The following PNPLA8 variants were observed in gnomAD, a reference collection of about 807,000 sequenced individuals.
The protein encoded by PNPLA8 is patatin like domain 8, phospholipase A2, also known as calcium-independent phospholipase A2-gamma.
PNPLA8 carries 39 observed loss-of-function variants against 76.9 expected under a neutral mutation model. The ratio of observed to expected loss-of-function variants is 0.51; its 90% CI spans 0.39 to 0.66. The LOEUF (loss-of-function observed/expected upper bound fraction) is 0.66. Ranked by LOEUF, PNPLA8 falls within the 30% of genes least tolerant of loss-of-function variation. The pLI, the probability that PNPLA8 is intolerant of heterozygous loss-of-function variation, is 0.00. For missense variants in PNPLA8, 887 were observed against 918.0 expected (o/e 0.97, Z 0.44); for synonymous variants, 301 against 307.9 (o/e 0.98, Z 0.24).
intron 10 of PNPLA8, among the ~76,000 whole-genome samples, chr7:108,474,417 G>A (rs1487325376): frequency 6.6e-6 from 1 of 152,102 alleles, no homozygotes; most frequent in East Asian, 1.9e-4. Flanking sequence ...GAAATGAAGG[G>A]CATGTAGATT....
chr7:108,478,230 T>C (rs192253627), intron 10 of PNPLA8, among the ~76,000 whole-genome samples: 39 of 152,024 alleles, frequency 2.6e-4, no homozygotes, highest in African/African-American at 7.2e-4. Flanking sequence ...TCTGGGGAAA[T>C]AGCCTTATAG....
intron 1 of PNPLA8, among the ~76,000 whole-genome samples, chr7:108,524,269 A>G (rs560931372): frequency 6.6e-6 from 1 of 152,324 alleles, no homozygotes; most frequent in African/African-American, 2.4e-5. Flanking sequence ...ATTTTCCATA[A>G]TATTTCAGGA....
rs1323198761 is a variant in PNPLA8 at position 108,472,692 on chromosome 7, G to T, written c.2075-17C>A. On this transcript the variant is annotated splice_polypyrimidine_tract_variant and intron_variant, in intron 10 of 10. Coordinates refer to ENST00000257694, the MANE Select transcript of PNPLA8 (RefSeq NM_001256007.3). ...TATGGACTTCTGTTAAAGCAAAAAA[G>T]AAAAGGATAAGGGGATAAGAAAAGA... The T allele has an allele frequency of 6.5e-7, 1 of 1,547,992 alleles. No individual in the cohort carries two copies. The highest frequency in any genetic ancestry group is 8.7e-7 in the Non-Finnish European group (1 of 1,152,284).
chr7:108,509,793 A>G (rs40861), intron 4 of PNPLA8, among the ~76,000 whole-genome samples: 37,366 of 142,426 alleles, frequency 0.26, 4,523 homozygotes, highest in African/African-American at 0.3. Context: ...TCCAACAATG[A>G]TAGACTGGAT....
Position 108,490,783 on chromosome 7 carries a change from C to CAAAA in PNPLA8, c.1683+623_1683+626dup, listed in dbSNP as rs775029071. Among the ~76,000 whole-genome samples, 5 of 86,984 alleles carry CAAAA rather than the reference C, an allele frequency of 5.7e-5. No individual in the cohort carries two copies. The East Asian group carries it at 1.4e-3, about 24-fold the overall frequency. The allele number at this position is 86,984 out of a possible 152,430, so 57.1% of individuals were successfully genotyped here. A position where few individuals can be genotyped will look rare whatever the true frequency, so the allele number is the denominator to read the frequency against. On this transcript the variant is annotated intron_variant, in intron 8 of 10. Coordinates refer to ENST00000257694, the MANE Select transcript of PNPLA8 (RefSeq NM_001256007.3). ...TGGGCGACAGAGCAAGACTCCGTCTCAAAAAAAAAAAAAAACTAGGGTAAA... is the reference window on the plus strand; with the variant it reads ...TGGGCGACAGAGCAAGACTCCGTCTCAAAAAAAAAAAAAAAAAAACTAGGGTAAA...
chr7:108,523,859 TAAGGGAAAA>T, intron 1 of PNPLA8, among the ~76,000 whole-genome samples: 1 of 151,504 alleles, frequency 6.6e-6, no homozygotes, highest in Non-Finnish European at 1.5e-5. Flanking sequence ...ACTTTGAAAG[TAAGGGAAAA>T]AAGAGAAAAC....
At chr7:108,479,557 T>G (rs1185277084) in intron 9 of PNPLA8, 178 bp from the exon 10 acceptor site, 1 of 630,680 alleles carries the variant, frequency 1.6e-6, no homozygotes, top group Non-Finnish European at 2.9e-6. Context: ...TAAAGAAACT[T>G]TTTATTAAGT....
upstream of PNPLA8, among the ~76,000 whole-genome samples, chr7:108,527,338 T>C (rs75934576): frequency 8.7e-3 from 1,329 of 152,264 alleles, 16 homozygotes; most frequent in African/African-American, 0.028. Flanking sequence ...GTGTCTGGAT[T>C]ATGTACATCA....
rs746217131 is a variant in PNPLA8 at position 108,479,426 on chromosome 7, G to A, written c.1879-47C>T. The A allele has an allele frequency of 4.3e-5, 57 of 1,322,410 alleles. No individual in the cohort carries two copies. The East Asian group carries it at 1.3e-3, about 29-fold the overall frequency. 81.9% of individuals were successfully genotyped at this position (1,322,410 alleles called of 1,614,324 possible). A position where few individuals can be genotyped will look rare whatever the true frequency, so the allele number is the denominator to read the frequency against. ...AAGAAACTTTTAAAACTGACTCACG[G>A]GGAAAGCTGAACTATGTAATAAGCT... On this transcript the variant is annotated intron_variant, in intron 9 of 10. Coordinates refer to ENST00000257694, the MANE Select transcript of PNPLA8 (RefSeq NM_001256007.3).
rs1862872111 is a variant in PNPLA8 at position 108,510,912 on chromosome 7, T to C, written c.1206+3232A>G. ...ATGAAGAAAAAGACCACCCATTTTG[T>C]AGAAGGTGGAGATGCTGGCAACAGG... On this transcript the variant is annotated intron_variant, in intron 4 of 10. Transcript: ENST00000257694. The C allele has an allele frequency of 3.8e-6, 6 of 1,586,326 alleles. No individual in the cohort carries two copies. In the Admixed American group the frequency reaches 5.0e-5, roughly 13 times the overall value.
chr7:108,511,181 C>T (rs1053619191), intron 4 of PNPLA8, among the ~76,000 whole-genome samples: 1 of 151,874 alleles, frequency 6.6e-6, no homozygotes, highest in Non-Finnish European at 1.5e-5. Flanking sequence ...CTCTTCTTTA[C>T]AGAAGAATGT....
chr7:108,482,781 T>C (rs1860488904), intron 9 of PNPLA8, among the ~76,000 whole-genome samples: 1 of 152,254 alleles, frequency 6.6e-6, no homozygotes, highest in Non-Finnish European at 1.5e-5. Context: ...TAAACTGTAC[T>C]GCTTTTGTTA....
At chr7:108,507,109 G>A (rs984778181) in intron 4 of PNPLA8, among the ~76,000 whole-genome samples, 7 of 151,978 alleles carry the variant, frequency 4.6e-5, no homozygotes, top group Non-Finnish European at 8.8e-5. Context: ...TTGGGCGGCC[G>A]AGGCAGGTGG....
At chr7:108,502,468 A>G in intron 5 of PNPLA8, 23 bp downstream of exon 5, 3 of 1,455,696 alleles carry the variant, frequency 2.1e-6, no homozygotes, top group Non-Finnish European at 2.7e-6. Context: ...AAAAAAAAAA[A>G]AGAATCATGT....
chr7:108,504,780 C>G (rs1862218721), intron 4 of PNPLA8, among the ~76,000 whole-genome samples: 1 of 152,104 alleles, frequency 6.6e-6, no homozygotes, highest in African/African-American at 2.4e-5. Context: ...ACCAGTGGAA[C>G]AAAATACTGT....
chr7:108,501,023 C>T (rs1286471857), intron 5 of PNPLA8, among the ~76,000 whole-genome samples: 1 of 152,070 alleles, frequency 6.6e-6, no homozygotes, highest in Admixed American at 6.6e-5. Flanking sequence ...ATATTGATGT[C>T]AAAGTATAAA....
At position 108,472,673 on chromosome 7, in the gene PNPLA8, C is replaced by A; in HGVS notation, c.2077G>T (p.Val693Phe). ...VINSATDTEEVHIMLDGLLPP... is the reference protein window; with the variant it reads ...VINSATDTEEFHIMLDGLLPP... Reference sequence around the variant, plus strand: ...AACAGGCCATCAAGCATTATATGGACTTCTGTTAAAGCAAAAAAGAAAAGG... The same window carrying A: ...AACAGGCCATCAAGCATTATATGGAATTCTGTTAAAGCAAAAAAGAAAAGG... The change falls in exon 11 of 11, where the codon GTC (valine) becomes TTC (phenylalanine). Residue 693 changes from valine to phenylalanine, a missense_variant and splice_region_variant. Transcript: ENST00000257694. The A allele has an allele frequency of 6.4e-7, 1 of 1,564,894 alleles. No individual in the cohort carries two copies.
chr7:108,519,713 GC>G (rs1180625814), intron 2 of PNPLA8, among the ~76,000 whole-genome samples: 1 of 151,956 alleles, frequency 6.6e-6, no homozygotes, highest in East Asian at 1.9e-4. Flanking sequence ...TTGAATTAAA[GC>G]CCCATCAGAG....
chr7:108,517,553 T>C (rs886319581), intron 2 of PNPLA8, among the ~76,000 whole-genome samples: 3 of 152,210 alleles, frequency 2.0e-5, no homozygotes, highest in Non-Finnish European at 4.4e-5. Flanking sequence ...ATATACGGTA[T>C]GTGTATGTGC....
Sources: allele counts gnomAD v4.1 joint callset (sites outside exome capture counted in the v4.1 genomes callset), GRCh38; gene constraint gnomAD v4.1.1; transcripts MANE v1.5; gene names NCBI Gene and HGNC (gene_info 2026-07-23, HGNC 2026-07-21).